The following TRMU variants were observed in gnomAD, a reference collection of about 807,000 sequenced individuals.
The protein encoded by TRMU is tRNA mitochondrial 2-thiouridylase, also known as mitochondrial tRNA-specific 2-thiouridylase 1.
TRMU carries 49 observed loss-of-function variants against 46.9 expected under a neutral mutation model. The ratio of observed to expected loss-of-function variants is 1.05; its 90% CI spans 0.83 to 1.33. The LOEUF is 1.33. TRMU is among the 40% of genes most tolerant of loss of function. The probability of loss-of-function intolerance (pLI) is 0.00; values close to 1 mark genes in which losing one functional copy is unlikely to be tolerated. For synonymous variants in TRMU, 241 were observed against 200.9 expected, an observed-to-expected ratio of 1.20 and a Z score of -1.69; for missense variants, 572 against 532.4, an observed-to-expected ratio of 1.07 and a Z score of -0.73.
chr22:46,351,434 G>A lies in TRMU; in HGVS notation c.652-687G>A, dbSNP rs537826078. ...GAGCCTCACCTCTTCAGGGGCCAGT[G>A]CGGTGGGAGCTGTTGCTCCTTCGTG... is the stretch of plus-strand genomic sequence containing the variant. On this transcript the variant is annotated intron_variant, in intron 5 of 10. Transcript: ENST00000645190. This position sits in a 1 kb window ranked among gnomAD's most constrained non-coding sequence, Gnocchi z 6.4. 1.3e-5 allele frequency among the ~76,000 whole-genome samples: 2 copies of A among 152,172 alleles called. No individual in the cohort carries two copies. Among genetic ancestry groups the A allele is most frequent in the South Asian group, 4.1e-4 (2 of 4,822 alleles).
At chr22:46,335,910 C>T (rs1440740622) in intron 1 of TRMU, 64 bp downstream of exon 1, 2 of 1,524,456 alleles carry the variant, frequency 1.3e-6, no homozygotes, top group Non-Finnish European at 8.8e-7. Context: ...TGTCCCCGTC[C>T]GTCGTGGCGT....
chr22:46,356,256 G>A (rs1439363067), intron 10 of TRMU, 184 bp downstream of exon 10: 1 of 635,112 alleles, frequency 1.6e-6, no homozygotes, highest in Admixed American at 2.5e-5. Flanking sequence ...AACTGTGAGA[G>A]GATTTCCACT....
At chr22:46,355,722 T>G in intron 9 of TRMU, 134 bp downstream of exon 9, 1 of 1,450,604 alleles carries the variant, frequency 6.9e-7, no homozygotes, top group Non-Finnish European at 9.5e-7. Flanking sequence ...ACCTAAAGTA[T>G]TTAGAACTCC....
rs1343165969 is a variant in TRMU, at chr22:46,348,955, A to G, written c.479-1336A>G. On this transcript the variant is annotated intron_variant, in intron 4 of 10. Transcript: ENST00000645190. This position sits in a 1 kb window ranked among gnomAD's most constrained non-coding sequence, Gnocchi z 4.8. ...CCAGACCAGCCTGGCCAACATGGTGAAACCCCATCTCTACTACAAATACAA... is the reference window on the plus strand; with the variant it reads ...CCAGACCAGCCTGGCCAACATGGTGGAACCCCATCTCTACTACAAATACAA... Among the ~76,000 whole-genome samples the G allele has an allele frequency of 6.6e-6, 1 of 152,038 alleles. No individual in the cohort carries two copies. Among genetic ancestry groups the G allele is most frequent in the African/African-American group, 2.4e-5 (1 of 41,388 alleles).
chr22:46,349,152 A>G lies in TRMU; in HGVS notation c.479-1139A>G, dbSNP rs982719098. On this transcript the variant is annotated intron_variant, in intron 4 of 10. Transcript: ENST00000645190. This position sits in a 1 kb window ranked among gnomAD's most constrained non-coding sequence, Gnocchi z 4.6. The stretch of plus-strand genomic sequence containing the variant: ...GACTCCATCTCAAAAAAAAAAAAAA[A>G]AGTGGACTCTGGAAAGTGCTCTGCT... Among the ~76,000 whole-genome samples the G allele has an allele frequency of 3.3e-5, 5 of 151,902 alleles. No individual in the cohort carries two copies. Among genetic ancestry groups the G allele is most frequent in the South Asian group, 2.1e-4 (1 of 4,822 alleles).
At chr22:46,340,094 A>G (rs1000261352) in intron 2 of TRMU, among the ~76,000 whole-genome samples, 4 of 152,150 alleles carry the variant, frequency 2.6e-5, no homozygotes, top group Non-Finnish European at 4.4e-5. Flanking sequence ...CCAGAGGACA[A>G]GTCCACCGGG....
intron 2 of TRMU, among the ~76,000 whole-genome samples, chr22:46,341,111 T>C (rs1279102179): frequency 6.6e-6 from 1 of 152,260 alleles, no homozygotes; most frequent in Non-Finnish European, 1.5e-5. Context: ...CCGAGGCACA[T>C]GAAAGGCTTC....
chr22:46,351,912 C>T lies in TRMU; in HGVS notation c.652-209C>T, dbSNP rs868281739. On this transcript the variant is annotated intron_variant, in intron 5 of 10. Coordinates refer to ENST00000645190, the MANE Select transcript of TRMU (RefSeq NM_018006.5). This position sits in a 1 kb window ranked among gnomAD's most constrained non-coding sequence, Gnocchi z 6.4. Reference sequence around the variant, plus strand: ...CCGCGCAGGGTCAGACCCCGCGGGCCGAGACAATGAGGCGTTCTCTAAGGC... The same window carrying T: ...CCGCGCAGGGTCAGACCCCGCGGGCTGAGACAATGAGGCGTTCTCTAAGGC... 7 of 700,354 alleles carry T rather than the reference C, an allele frequency of 1.0e-5. No homozygotes were observed. Among genetic ancestry groups the T allele is most frequent in the South Asian group, 3.1e-5 (2 of 64,406 alleles). 43.4% of individuals were successfully genotyped at this position (700,354 alleles called of 1,614,324 possible).
rs531825947 is a variant in TRMU at position 46,336,051 on chromosome 22, T to C, written c.82+205T>C. On this transcript the variant is annotated intron_variant, in intron 1 of 10. Coordinates refer to ENST00000645190, the MANE Select transcript of TRMU (RefSeq NM_018006.5). The surrounding 1 kb of genome is among the most constrained non-coding windows in gnomAD (Gnocchi z 4.1). ...AGTCGGAGGTGTGCGCGACTGCAGC[T>C]CCGACTACCTGGGAGCAGTTCCGCG... 1 of 1,402,064 alleles carries C rather than the reference T, an allele frequency of 7.1e-7. No homozygotes were observed. The highest frequency in any genetic ancestry group is 1.5e-5 in the South Asian group (1 of 65,108). The allele number at this position is 1,402,064 out of a possible 1,614,324, so 86.9% of individuals were successfully genotyped here. A position where few individuals can be genotyped will look rare whatever the true frequency, so the allele number is the denominator to read the frequency against.
In TRMU at chr22:46,336,155, C is replaced by G. The variant is rs535671360; in HGVS notation, c.82+309C>G. 2 of 1,274,740 alleles carry G rather than the reference C, an allele frequency of 1.6e-6. No individual in the cohort carries two copies. The highest frequency in any genetic ancestry group is 1.6e-5 in the African/African-American group (1 of 62,888). The allele number at this position is 1,274,740 out of a possible 1,614,324, so 79.0% of individuals were successfully genotyped here. On this transcript the variant is annotated intron_variant, in intron 1 of 10. Coordinates refer to ENST00000645190, the MANE Select transcript of TRMU (RefSeq NM_018006.5). This position sits in a 1 kb window ranked among gnomAD's most constrained non-coding sequence, Gnocchi z 4.1. Reference sequence around the variant, plus strand: ...GGGGTGGGGAGGGAAGGGTTTCTCACGGATCTGCGGCGTCCACATTCACCT... The same window carrying G: ...GGGGTGGGGAGGGAAGGGTTTCTCAGGGATCTGCGGCGTCCACATTCACCT...
In TRMU at chr22:46,355,451, G is replaced by A. The variant is rs756454931; in HGVS notation, c.881G>A (p.Arg294Gln). 25 of 1,612,568 alleles carry A rather than the reference G, an allele frequency of 1.6e-5. No homozygotes were observed. Among genetic ancestry groups the A allele is most frequent in the Middle Eastern group, 3.3e-4 (2 of 6,076 alleles). ...TCACATTCCATTCTGCAGGCCCCCC[G>A]GACAGACCACCCAGCCCTGTACAGG... is the stretch of plus-strand genomic sequence containing the variant. ...SVKGDVFVAP[R>Q]TDHPALYRDL... Residue 294 changes from arginine (R) to glutamine (Q), a missense_variant, in exon 9 of 11, where the codon CGG becomes CAG. Physicochemically the swap from Arg to Gln is conservative, Grantham distance 43. Transcript: ENST00000645190.
At chr22:46,337,991 CCTTGCAGTGGAAG>C (rs752428592) in intron 2 of TRMU, 47 bp downstream of exon 2, 56 of 1,611,984 alleles carry the variant, frequency 3.5e-5, no homozygotes, top group Non-Finnish European at 4.7e-5. Context: ...CACTGTGGAT[CCTTGCAGTGGAAG>C]GATCCGGTAA....
rs1452025945 is a variant in TRMU, at chr22:46,347,780, A to G, written c.478+1236A>G. The stretch of plus-strand genomic sequence containing the variant: ...CCCTCGGGTGGCAGAGCTGGATTTC[A>G]GTGCACTTCCGCTCACTCCCCAGCC... On this transcript the variant is annotated intron_variant, in intron 4 of 10. Coordinates refer to ENST00000645190, the MANE Select transcript of TRMU (RefSeq NM_018006.5). This position sits in a 1 kb window ranked among gnomAD's most constrained non-coding sequence, Gnocchi z 5.0. 2.6e-5 allele frequency among the ~76,000 whole-genome samples: 4 copies of G among 152,162 alleles called. No homozygotes were observed. The highest frequency in any genetic ancestry group is 5.9e-5 in the Non-Finnish European group (4 of 68,032).
At chr22:46,355,914 C>T in intron 9 of TRMU, 76 bp from the exon 10 acceptor site, 2 of 1,544,376 alleles carry the variant, frequency 1.3e-6, no homozygotes, top group South Asian at 2.3e-5. Flanking sequence ...TGGGCTGGTG[C>T]TCCTTTCTCC....
At chr22:46,354,196 C>T (rs991514216) in intron 8 of TRMU, 10 of 349,340 alleles carry the variant, frequency 2.9e-5, no homozygotes, top group African/African-American at 4.3e-5. Context: ...GGCCTCAGTG[C>T]CAAGGATGGT....
intron 4 of TRMU, among the ~76,000 whole-genome samples, chr22:46,346,823 A>G (rs993776191): frequency 6.6e-6 from 1 of 152,238 alleles, no homozygotes; most frequent in Non-Finnish European, 1.5e-5. Context: ...CTGTGTGGTG[A>G]TTTGAATGTT....
chr22:46,353,020 C>A, intron 7 of TRMU: 1 of 164,056 alleles, frequency 6.1e-6, no homozygotes, highest in Admixed American at 5.5e-5. Context: ...TGTAGGGCGT[C>A]TTGCAGTGAA....
rs1427466044 is a variant in TRMU, at chr22:46,336,103, C to G, written c.82+257C>G. The G allele has an allele frequency of 2.2e-6, 3 of 1,369,174 alleles. No homozygotes were observed. In the African/African-American group the frequency reaches 4.6e-5, roughly 21 times the overall value. 84.8% of individuals were successfully genotyped at this position (1,369,174 alleles called of 1,614,324 possible). On this transcript the variant is annotated intron_variant, in intron 1 of 10. Coordinates refer to ENST00000645190, the MANE Select transcript of TRMU (RefSeq NM_018006.5). The surrounding 1 kb of genome is among the most constrained non-coding windows in gnomAD (Gnocchi z 4.1). ...CCCTCTCCACCCACGCGCGCCCACCCACAGTGAGAAGCCGGCGGGCCGGGG... is the reference window on the plus strand; with the variant it reads ...CCCTCTCCACCCACGCGCGCCCACCGACAGTGAGAAGCCGGCGGGCCGGGG...
In TRMU at chr22:46,349,555, G is replaced by GA. The variant is rs2078351179; in HGVS notation, c.479-732dup. 6.6e-6 allele frequency among the ~76,000 whole-genome samples: 1 copy of GA among 152,210 alleles called. No homozygotes were observed. The highest frequency in any genetic ancestry group is 1.5e-5 in the Non-Finnish European group (1 of 68,042). ...TTATGAGAAAGATTGAAAGAAGCCA[G>GA]AAAACTGACGTTCGTCTTAGTTTTT... is the stretch of plus-strand genomic sequence containing the variant. On this transcript the variant is annotated intron_variant, in intron 4 of 10. Transcript: ENST00000645190. The surrounding 1 kb of genome is among the most constrained non-coding windows in gnomAD (Gnocchi z 4.6).
Sources: gnomAD v4.1 joint callset for allele counts (sites outside exome capture counted in the v4.1 genomes callset) on GRCh38, gnomAD v4.1.1 for gene constraint, Gnocchi (gnomAD v3.1) non-coding constraint, MANE v1.5 for transcripts, NCBI Gene and HGNC (gene_info 2026-07-23, HGNC 2026-07-21) for gene names.